Variants in NDST3 observed in about 807,000 individuals in gnomAD.
NDST3 encodes the protein bifunctional heparan sulfate N-deacetylase/N-sulfotransferase 3.
In NDST3, 58 loss-of-function variants were observed where a neutral mutation model predicts 96.1. That is an observed-to-expected ratio of 0.60 (90% confidence interval 0.49 to 0.75). The LOEUF (loss-of-function observed/expected upper bound fraction) is 0.75, where lower values mean the gene tolerates loss of function less well. Among genes scored for constraint, NDST3 ranks in the 30% least tolerant of loss-of-function variants. NDST3 has a pLI of 0.00. For synonymous variants in NDST3, 333 were observed against 359.7 expected, an observed-to-expected ratio of 0.93 and a Z score of 0.84; for missense variants, 788 against 1,034.2, an observed-to-expected ratio of 0.76 and a Z score of 3.27.
At chr4:118,177,194 T>C (rs78769795) in intron 6 of NDST3, among the ~76,000 whole-genome samples, 2 of 152,148 alleles carry the variant, frequency 1.3e-5, no homozygotes, top group East Asian at 3.9e-4. Context: ...GTGAAGATAA[T>C]GTATGTGAAG....
At position 118,128,024 on chromosome 4, in the gene NDST3, T is replaced by C. The variant is rs918853249; in HGVS notation, c.1225-10030T>C. Among the ~76,000 whole-genome samples, 3 of 152,080 alleles carry C rather than the reference T, an allele frequency of 2.0e-5. No individual in the cohort carries two copies. The South Asian group carries it at 6.2e-4, about 31-fold the overall frequency. On this transcript the variant is annotated intron_variant, in intron 4 of 13. Transcript: ENST00000296499. ...CATATAGAAATGTTACTGGCTTTTG[T>C]ATGTTGATCTTGTATCTTGAATTTT...
At chr4:118,110,527 C>T (rs1730551176) in intron 3 of NDST3, among the ~76,000 whole-genome samples, 1 of 152,106 alleles carries the variant, frequency 6.6e-6, no homozygotes, top group Non-Finnish European at 1.5e-5. Context: ...TTGTAAAGTA[C>T]TCAACACAGT....
At chr4:118,187,355 C>A (rs1215157612) in intron 6 of NDST3, among the ~76,000 whole-genome samples, 1 of 152,180 alleles carries the variant, frequency 6.6e-6, no homozygotes, top group African/African-American at 2.4e-5. Context: ...CTAATCATTG[C>A]CTCATCTACT....
At chr4:118,127,547 C>T (rs1732214320) in intron 4 of NDST3, among the ~76,000 whole-genome samples, 1 of 152,018 alleles carries the variant, frequency 6.6e-6, no homozygotes, top group South Asian at 2.1e-4. Flanking sequence ...TTCCATTGGT[C>T]TATGTATCTG....
At chr4:118,080,953 C>T (rs917110073) in intron 2 of NDST3, among the ~76,000 whole-genome samples, 1 of 152,148 alleles carries the variant, frequency 6.6e-6, no homozygotes, top group Non-Finnish European at 1.5e-5. Flanking sequence ...CTGTCTTTTT[C>T]TACTGCACAA....
At chr4:118,232,692 C>G (rs80240741) in intron 8 of NDST3, among the ~76,000 whole-genome samples, 21,926 of 148,918 alleles carry the variant, frequency 0.15, 1,775 homozygotes, top group South Asian at 0.23. Flanking sequence ...AGGAAAGAAA[C>G]AAAGAAAGAA....
At chr4:118,051,044 T>A (rs1725045178) in intron 1 of NDST3, among the ~76,000 whole-genome samples, 1 of 151,916 alleles carries the variant, frequency 6.6e-6, no homozygotes, top group South Asian at 2.1e-4. Context: ...TGGAACACAA[T>A]AGAAAACTCA....
chr4:118,147,225 T>C (rs1166340060), intron 6 of NDST3, among the ~76,000 whole-genome samples: 1 of 152,160 alleles, frequency 6.6e-6, no homozygotes, highest in African/African-American at 2.4e-5. Context: ...ATACTGACTC[T>C]CTCTGCAAGT....
intron 12 of NDST3, among the ~76,000 whole-genome samples, chr4:118,249,301 T>C (rs1440523944): frequency 1.3e-5 from 2 of 152,204 alleles, no homozygotes; most frequent in Non-Finnish European, 2.9e-5. Context: ...ATCACTTGAA[T>C]ACTTAAAATG....
At chr4:118,130,375 A>G (rs1732511316) in intron 4 of NDST3, among the ~76,000 whole-genome samples, 1 of 152,110 alleles carries the variant, frequency 6.6e-6, no homozygotes, top group African/African-American at 2.4e-5. Context: ...TGAGACTAGT[A>G]AATACTGTCT....
chr4:118,225,600 C>T (rs1408247466), intron 7 of NDST3, among the ~76,000 whole-genome samples: 1 of 152,150 alleles, frequency 6.6e-6, no homozygotes, highest in African/African-American at 2.4e-5. Context: ...AATCACTGTT[C>T]TAAACGCTAC....
Position 118,053,917 on chromosome 4 carries a change from T to G in NDST3, c.7T>G (p.Phe3Val). 4 of 1,597,836 alleles carry G rather than the reference T, an allele frequency of 2.5e-6. No homozygotes were observed. Among genetic ancestry groups the G allele is most frequent in the Non-Finnish European group, 3.4e-6 (4 of 1,170,870 alleles). The change falls in exon 2 of 14, where the codon TTT (phenylalanine) becomes GTT (valine). Residue 3 changes from phenylalanine to valine, a missense_variant. Physicochemically the swap from Phe to Val is conservative, Grantham distance 50 (BLOSUM62 -1). Around this residue, in one of 3 missense-constraint regions of NDST3, gnomAD observed 234 missense variants for 256.9 expected, o/e 0.91. Transcript: ENST00000296499. ...TGGGGAAAGCACCTACAACATGAGT[T>G]TTATCATGAAGCTTCACAGACACTT... MS[F>V]IMKLHRHFQR... is the part of the protein sequence containing the mutation.
chr4:118,075,217 C>A (rs1727420918), intron 2 of NDST3, among the ~76,000 whole-genome samples: 1 of 152,152 alleles, frequency 6.6e-6, no homozygotes, highest in African/African-American at 2.4e-5. Context: ...CACGTCACTA[C>A]AAAGGACATG....
At chr4:118,233,199 T>C (rs1740425688) in intron 9 of NDST3, 64 bp downstream of exon 9, 1 of 1,289,426 alleles carries the variant, frequency 7.8e-7, no homozygotes, top group Admixed American at 2.6e-5. Context: ...AACTTAGCAC[T>C]AATATTTAGA....
chr4:118,149,401 T>C lies in NDST3; in HGVS notation c.1539+5717T>C, dbSNP rs1734209611. On this transcript the variant is annotated intron_variant, in intron 6 of 13. Transcript: ENST00000296499. ...CCTACCCAAGAGCATGGAATGTTCT[T>C]CCATTTGTTTGTATCCTCTTTTATT... Among the ~76,000 whole-genome samples the C allele has an allele frequency of 5.9e-5, 9 of 151,854 alleles. No homozygotes were observed. The South Asian group carries it at 1.9e-3, about 32-fold the overall frequency.
rs1193455881 is a variant in NDST3, at chr4:118,226,909, C to T, written c.1746C>T (p.His582=). Residue 582 remains histidine, a synonymous_variant, in exon 8 of 14, where the codon CAC becomes CAT. Transcript: ENST00000296499. The part of the protein sequence containing the change: ...LWQNPCDDKR[H]RDIWSKEKTC... Reference sequence around the variant, plus strand: ...AGAATCCTTGCGATGACAAACGCCACAGAGACATTTGGTCTAAAGAAAAAA... The same window carrying T: ...AGAATCCTTGCGATGACAAACGCCATAGAGACATTTGGTCTAAAGAAAAAA... 6 of 1,613,242 alleles carry T rather than the reference C, an allele frequency of 3.7e-6. No homozygotes were observed. The South Asian group carries it at 4.4e-5, about 12-fold the overall frequency.
chr4:118,143,900 G>C (rs748649690), intron 6 of NDST3, among the ~76,000 whole-genome samples: 1 of 152,158 alleles, frequency 6.6e-6, no homozygotes, highest in Non-Finnish European at 1.5e-5. Context: ...CAGAACCAGG[G>C]AAGTGCTCCA....
rs186218258 is a variant in NDST3 at position 118,068,584 on chromosome 4, T to A, written c.981+13693T>A. 5.3e-5 allele frequency among the ~76,000 whole-genome samples: 8 copies of A among 152,136 alleles called. No individual in the cohort carries two copies. In the East Asian group the frequency reaches 1.5e-3, roughly 29 times the overall value. ...TTGCTTAAAAATGCAGATTCCCCAA[T>A]TCCACACTCAAAGATTTTTGTCTTG... is the stretch of plus-strand genomic sequence containing the variant. On this transcript the variant is annotated intron_variant, in intron 2 of 13. Coordinates refer to ENST00000296499, the MANE Select transcript of NDST3 (RefSeq NM_004784.3).
Position 118,041,726 on chromosome 4 carries a change from T to A in NDST3, c.-156+7134T>A, listed in dbSNP as rs184304219. Among the ~76,000 whole-genome samples, 4 of 152,342 alleles carry A rather than the reference T, an allele frequency of 2.6e-5. No individual in the cohort carries two copies. The East Asian group carries it at 7.7e-4, about 29-fold the overall frequency. On this transcript the variant is annotated intron_variant, in intron 1 of 13. Transcript: ENST00000296499. ...GTCTTCAATTTTCTATGTATTTTTG[T>A]GCAAGCATTTCACGAACATATTCAT...
Sources: allele counts gnomAD v4.1 joint callset (sites outside exome capture counted in the v4.1 genomes callset), GRCh38; gene constraint gnomAD v4.1.1; regional missense constraint gnomAD v4.1.1; transcripts MANE v1.5; gene names NCBI Gene and HGNC (gene_info 2026-07-23, HGNC 2026-07-21).